Variants in STK3 observed in about 807,000 individuals in gnomAD.
STK3 encodes the protein serine/threonine-protein kinase 3.
In STK3, 41 loss-of-function variants were observed where a neutral mutation model predicts 58.0. The observed-to-expected ratio is 0.71, with a 90% confidence interval of 0.55 to 0.92. The LOEUF is 0.92. Ranked by LOEUF, STK3 falls within the 40% of genes least tolerant of loss-of-function variation. The pLI, the probability that STK3 is intolerant of heterozygous loss-of-function variation, is 0.00. For synonymous variants in STK3, 170 were observed against 191.0 expected (o/e 0.89, Z 0.91); for missense variants, 479 against 602.7 (o/e 0.79, Z 2.15).
At chr8:98,540,729 C>T (rs1401115301) in intron 9 of STK3, among the ~76,000 whole-genome samples, 1 of 152,006 alleles carries the variant, frequency 6.6e-6, no homozygotes, top group Non-Finnish European at 1.5e-5. Context: ...GAGAGCTGAA[C>T]ACCACATTTC....
At chr8:98,388,944 T>C (rs1445180481), upstream of STK3, among the ~76,000 whole-genome samples, 2 of 152,250 alleles carry the variant, frequency 1.3e-5, no homozygotes, top group African/African-American at 2.4e-5. Context: ...GAGAAAGTCA[T>C]TGAATGGCTC....
intron 3 of STK3, among the ~76,000 whole-genome samples, chr8:98,877,639 A>C (rs180931978): frequency 1.4e-4 from 21 of 152,136 alleles, no homozygotes; most frequent in African/African-American, 4.8e-4. Flanking sequence ...ATATGCCACT[A>C]CACCCGGCTA....
At chr8:98,927,562 A>G (rs564080897) in intron 1 of STK3, among the ~76,000 whole-genome samples, 4 of 152,358 alleles carry the variant, frequency 2.6e-5, no homozygotes, top group Admixed American at 2.6e-4. Flanking sequence ...TCATTTAATT[A>G]TCATATAATT....
intron 6 of STK3, among the ~76,000 whole-genome samples, chr8:98,691,131 A>G (rs1284209453): frequency 6.6e-6 from 1 of 152,220 alleles, no homozygotes; most frequent in African/African-American, 2.4e-5. Context: ...TCTGGGTGAC[A>G]GGATCAGCAG....
intron 4 of STK3, among the ~76,000 whole-genome samples, chr8:98,715,998 TG>T (rs1043634443): frequency 2.6e-5 from 4 of 152,030 alleles, no homozygotes; most frequent in African/African-American, 9.7e-5. Flanking sequence ...TGGATGAAGC[TG>T]GAAACCATCA....
chr8:98,750,728 G>A (rs1342882837), intron 3 of STK3, among the ~76,000 whole-genome samples: 2 of 152,008 alleles, frequency 1.3e-5, no homozygotes, highest in African/African-American at 4.8e-5. Flanking sequence ...TTGAGGAGAA[G>A]GAAATGCTCC....
chr8:98,702,993 T>C (rs919748964), intron 6 of STK3, among the ~76,000 whole-genome samples: 1 of 152,228 alleles, frequency 6.6e-6, no homozygotes, highest in African/African-American at 2.4e-5. Context: ...CTTTGTCTCA[T>C]TGTGGCAACT....
At chr8:98,794,807 C>T (rs1040446430) in intron 1 of STK3, among the ~76,000 whole-genome samples, 10 of 152,010 alleles carry the variant, frequency 6.6e-5, no homozygotes, top group African/African-American at 1.9e-4. Flanking sequence ...GTGGCTCACG[C>T]CTGTAATCCC....
At chr8:98,741,545 A>T (rs576318143) in intron 4 of STK3, among the ~76,000 whole-genome samples, 1 of 152,344 alleles carries the variant, frequency 6.6e-6, no homozygotes, top group East Asian at 1.9e-4. Context: ...CTTTAAAACC[A>T]ATGAGAACAA....
At chr8:98,422,913 G>A (rs1249686169) in intron 3 of STK3, among the ~76,000 whole-genome samples, 1 of 152,160 alleles carries the variant, frequency 6.6e-6, no homozygotes, top group African/African-American at 2.4e-5. Context: ...TGATCTAATT[G>A]GCCTGGTGTG....
At chr8:98,425,810 C>T (rs568917368) in intron 3 of STK3, among the ~76,000 whole-genome samples, 1 of 152,342 alleles carries the variant, frequency 6.6e-6, no homozygotes, top group African/African-American at 2.4e-5. Flanking sequence ...ATGTACTTCC[C>T]ACTGTGGCAG....
intron 8 of STK3, among the ~76,000 whole-genome samples, chr8:98,567,201 T>C (rs947374675): frequency 6.6e-6 from 1 of 152,142 alleles, no homozygotes; most frequent in African/African-American, 2.4e-5. Context: ...AAGAAAAATA[T>C]CATTTATGTC....
intron 10 of STK3, among the ~76,000 whole-genome samples, chr8:98,491,533 C>T (rs969666117): frequency 7.2e-5 from 11 of 152,064 alleles, no homozygotes; most frequent in African/African-American, 1.9e-4. Flanking sequence ...CTCCACCTCC[C>T]GGGTTCAAGC....
At chr8:98,670,272 G>A (rs1822725905) in intron 6 of STK3, among the ~76,000 whole-genome samples, 1 of 152,114 alleles carries the variant, frequency 6.6e-6, no homozygotes, top group African/African-American at 2.4e-5. Flanking sequence ...CAGAGGCTGA[G>A]GCGAGCAGGT....
chr8:98,495,710 T>C (rs1466129325), intron 10 of STK3, among the ~76,000 whole-genome samples: 1 of 152,220 alleles, frequency 6.6e-6, no homozygotes, highest in Non-Finnish European at 1.5e-5. Context: ...ATAGCAATTT[T>C]CCAAATGTGA....
At chr8:98,896,294 G>A (rs2131940365) in intron 1 of STK3, among the ~76,000 whole-genome samples, 1 of 152,294 alleles carries the variant, frequency 6.6e-6, no homozygotes, top group Admixed American at 6.5e-5. Flanking sequence ...GCTTAAAGCA[G>A]TGATTTTCAA....
intron 10 of STK3, among the ~76,000 whole-genome samples, chr8:98,518,260 T>C (rs1825088477): frequency 6.6e-6 from 1 of 152,098 alleles, no homozygotes; most frequent in Non-Finnish European, 1.5e-5. Flanking sequence ...TAATGAGTTT[T>C]AACTTAAGGT....
At chr8:98,706,997 C>T (rs1826015148) in intron 5 of STK3, 150 bp downstream of exon 5, 1 of 724,560 alleles carries the variant, frequency 1.4e-6, no homozygotes, top group South Asian at 2.4e-5. Flanking sequence ...AAATAATACT[C>T]AAATTTGGCT....
At chr8:98,519,461 G>A (rs1313576375) in intron 10 of STK3, among the ~76,000 whole-genome samples, 2 of 150,708 alleles carry the variant, frequency 1.3e-5, no homozygotes, top group Non-Finnish European at 1.5e-5. Flanking sequence ...TATAGAGGAG[G>A]GTGAAAAGAC....
Sources: gnomAD v4.1 joint callset for allele counts (sites outside exome capture counted in the v4.1 genomes callset) on GRCh38, gnomAD v4.1.1 for gene constraint, MANE v1.5 for transcripts, NCBI Gene and HGNC (gene_info 2026-07-23, HGNC 2026-07-21) for gene names.